Variants in C8B observed in about 807,000 individuals in gnomAD.
The protein encoded by C8B is complement component C8 beta chain.
A neutral mutation model predicts 64.6 loss-of-function variants in C8B; 67 were observed. The observed-to-expected ratio is 1.04, with a 90% CI of 0.85 to 1.27. The LOEUF is 1.27. Ranked by LOEUF, C8B falls within the 50% of genes most tolerant of loss-of-function variation. C8B has a pLI of 0.00. For synonymous variants in C8B, 284 were observed against 257.7 expected, an observed-to-expected ratio of 1.10 and a Z score of -0.98; for missense variants, 790 against 725.2, an observed-to-expected ratio of 1.09 and a Z score of -1.03.
At chr1:56,957,163 G>T (rs1645116014) in intron 2 of C8B, among the ~76,000 whole-genome samples, 1 of 152,130 alleles carries the variant, frequency 6.6e-6, no homozygotes, top group Non-Finnish European at 1.5e-5. Context: ...CCTTGGCTTT[G>T]ATCTCTGCTT....
intron 9 of C8B, among the ~76,000 whole-genome samples, chr1:56,934,431 T>C (rs770566338): frequency 2.0e-5 from 3 of 152,144 alleles, no homozygotes; most frequent in Non-Finnish European, 4.4e-5. Context: ...GATGTGGCAT[T>C]ATTTGTGGGT....
intron 9 of C8B, among the ~76,000 whole-genome samples, chr1:56,937,591 T>C (rs1644793493): frequency 6.6e-6 from 1 of 152,188 alleles, no homozygotes; most frequent in Non-Finnish European, 1.5e-5. Context: ...GAAATGTACA[T>C]GGATGACAGA....
chr1:56,956,279 C>T (rs1557741346), intron 3 of C8B, among the ~76,000 whole-genome samples: 1 of 152,196 alleles, frequency 6.6e-6, no homozygotes, highest in Non-Finnish European at 1.5e-5. Flanking sequence ...AAAGAGCTCT[C>T]ATAGCTATGA....
chr1:56,932,701 G>A (rs570425986), intron 10 of C8B, among the ~76,000 whole-genome samples: 4 of 152,206 alleles, frequency 2.6e-5, no homozygotes, highest in Admixed American at 2.6e-4. Flanking sequence ...TCTGGCAACT[G>A]GACCCTTTCT....
In C8B at chr1:56,933,450, A is replaced by C; in HGVS notation, c.1437T>G (p.Phe479Leu). ...PLYELVTATD[F>L]AYSSTVRQNM... The stretch of plus-strand genomic sequence containing the variant: ...TCTGCCTCACTGTGCTGGAATAGGC[A>C]AAATCTGTGGCTGTCACTAGTTCAT... Residue 479 changes from phenylalanine (F) to leucine (L), a missense_variant, in exon 10 of 12, where the codon TTT becomes TTG. By Grantham distance (22) the Phe-to-Leu change is conservative (BLOSUM62 0). Transcript: ENST00000371237. 1 of 1,613,948 alleles carries C rather than the reference A, an allele frequency of 6.2e-7. No homozygotes were observed. Among genetic ancestry groups the C allele is most frequent in the Non-Finnish European group, 8.5e-7 (1 of 1,179,846 alleles).
chr1:56,941,501 G>GATAGATAT (rs1553180466), intron 8 of C8B, among the ~76,000 whole-genome samples: 5 of 33,548 alleles, frequency 1.5e-4, no homozygotes, highest in African/African-American at 5.2e-4. Context: ...ATAGTAGATA[G>GATAGATAT]ATAGATACAT....
At chr1:56,963,133 C>A (rs1465514359) in intron 1 of C8B, among the ~76,000 whole-genome samples, 2 of 152,160 alleles carry the variant, frequency 1.3e-5, no homozygotes, top group African/African-American at 2.4e-5. Context: ...AGGTGTCTTT[C>A]CTGGGGATGC....
At position 56,961,404 on chromosome 1, in the gene C8B, G is replaced by A. The variant is rs553742335; in HGVS notation, c.93-1228C>T. 7.9e-5 allele frequency among the ~76,000 whole-genome samples: 12 copies of A among 152,280 alleles called. 1 individual carries two copies. Among genetic ancestry groups the A allele is most frequent in the African/African-American group, 2.9e-4 (12 of 41,562 alleles). ...ACAGCAATGCTGGAAGACAGCTGTG[G>A]AGCACTGCCACCTGGGCAGATGAGG... On this transcript the variant is annotated intron_variant, in intron 1 of 11. Transcript: ENST00000371237.
At chr1:56,946,193 T>C in intron 6 of C8B, 132 bp from the exon 7 acceptor site, 1 of 1,025,220 alleles carries the variant, frequency 9.8e-7, no homozygotes, top group Non-Finnish European at 1.5e-6. Context: ...TTAGGATACT[T>C]GAGGGAAGAC....
At chr1:56,959,588 C>G (rs756830542) in intron 2 of C8B, 1 of 1,535,486 alleles carries the variant, frequency 6.5e-7, no homozygotes, top group South Asian at 1.2e-5. Flanking sequence ...ATACAAGTGT[C>G]CATTGTGCTG....
In C8B at chr1:56,943,830, G is replaced by A. The variant is rs1553180813; in HGVS notation, c.1106-6C>T. ...GACGTTGTTAAGAGTATAATCTGAAGAAAACAAGGAAAAAGGTCCATGACG... is the reference window on the plus strand; with the variant it reads ...GACGTTGTTAAGAGTATAATCTGAAAAAAACAAGGAAAAAGGTCCATGACG... On this transcript the variant is annotated splice_region_variant and splice_polypyrimidine_tract_variant and intron_variant, in intron 7 of 11. Coordinates refer to ENST00000371237, the MANE Select transcript of C8B (RefSeq NM_000066.4). The A allele has an allele frequency of 4.3e-6, 7 of 1,613,800 alleles. No individual in the cohort carries two copies. The East Asian group carries it at 1.6e-4, about 36-fold the overall frequency.
intron 1 of C8B, among the ~76,000 whole-genome samples, chr1:56,963,204 C>T (rs1030263293): frequency 2.0e-5 from 3 of 152,112 alleles, no homozygotes; most frequent in African/African-American, 7.2e-5. Flanking sequence ...CCACTCTTTT[C>T]CTAACAGGCG....
rs1325712222 is a variant in C8B at position 56,956,900 on chromosome 1, G to T, written c.260C>A (p.Ala87Asp). 6.2e-7 allele frequency: 1 copy of T among 1,614,092 alleles called. No homozygotes were observed. Among genetic ancestry groups the T allele is most frequent in the Non-Finnish European group, 8.5e-7 (1 of 1,179,990 alleles). ...DPCQKKRYRY[A>D]YLLQPSQFHG... ...GAACTGAGAGGGCTGGAGCAAGTAG[G>T]CATACCTGTACTGTAGCAGAGAGGA... The change falls in exon 3 of 12, where the codon GCC becomes GAC. Residue 87 changes from alanine (A) to aspartate (D), a missense_variant. By Grantham distance (126) the Ala-to-Asp change is moderately radical. Transcript: ENST00000371237.
chr1:56,947,847 C>T (rs1557735744), intron 6 of C8B, among the ~76,000 whole-genome samples: 1 of 152,072 alleles, frequency 6.6e-6, no homozygotes, highest in Non-Finnish European at 1.5e-5. Context: ...AGGAGAATCG[C>T]TTGAACCCGG....
At chr1:56,932,699 C>T (rs1644719818) in intron 10 of C8B, among the ~76,000 whole-genome samples, 1 of 152,306 alleles carries the variant, frequency 6.6e-6, no homozygotes, top group South Asian at 2.1e-4. Flanking sequence ...AGTCTGGCAA[C>T]TGGACCCTTT....
In C8B at chr1:56,933,325, A is replaced by T; in HGVS notation, c.1552+10T>A. 5 of 1,612,844 alleles carry T rather than the reference A, an allele frequency of 3.1e-6. No individual in the cohort carries two copies. The highest frequency in any genetic ancestry group is 4.2e-6 in the Non-Finnish European group (5 of 1,178,912). Reference sequence around the variant, plus strand: ...TTCCACCAGGGACACCAGCTGCCTGAAAGTGGTACCTTTCAGGACAGGGAC... The same window carrying T: ...TTCCACCAGGGACACCAGCTGCCTGTAAGTGGTACCTTTCAGGACAGGGAC... On this transcript the variant is annotated intron_variant, in intron 10 of 11. Transcript: ENST00000371237.
In C8B at chr1:56,945,811, G is replaced by A. The variant is rs1644931793; in HGVS notation, c.1105+10C>T. Reference sequence around the variant, plus strand: ...CTTTTAGGAAAGCCATGGTCCCTTGGGCAGTATACCTCCTCTCTCCATGGC... The same window carrying A: ...CTTTTAGGAAAGCCATGGTCCCTTGAGCAGTATACCTCCTCTCTCCATGGC... On this transcript the variant is annotated intron_variant, in intron 7 of 11. Transcript: ENST00000371237. 1 of 1,614,020 alleles carries A rather than the reference G, an allele frequency of 6.2e-7. No individual in the cohort carries two copies. Among genetic ancestry groups the A allele is most frequent in the Non-Finnish European group, 8.5e-7 (1 of 1,179,982 alleles).
At chr1:56,938,930 T>C (rs944444591) in intron 9 of C8B, among the ~76,000 whole-genome samples, 3 of 151,966 alleles carry the variant, frequency 2.0e-5, no homozygotes, top group African/African-American at 7.2e-5. Flanking sequence ...GCCCAGAGTG[T>C]ATATTTCCAA....
At position 56,961,224 on chromosome 1, in the gene C8B, T is replaced by G. The variant is rs115863709; in HGVS notation, c.93-1048A>C. On this transcript the variant is annotated intron_variant, in intron 1 of 11. Transcript: ENST00000371237. ...TTTTCTTACAATTGAAAGGGTGTAT[T>G]ACACTGTAAGATTCTTTGTAATTTG... is the stretch of plus-strand genomic sequence containing the variant. 5.5e-3 allele frequency among the ~76,000 whole-genome samples: 834 copies of G among 152,320 alleles called. 11 individuals carry two copies. The highest frequency in any genetic ancestry group is 0.034 in the South Asian group (166 of 4,828).
Sources: gnomAD v4.1 joint callset for allele counts (sites outside exome capture counted in the v4.1 genomes callset) on GRCh38, gnomAD v4.1.1 for gene constraint, MANE v1.5 for transcripts, NCBI Gene and HGNC (gene_info 2026-07-23, HGNC 2026-07-21) for gene names.